The following RGMB variants were observed in gnomAD, a reference collection of about 807,000 sequenced individuals.
RGMB encodes repulsive guidance molecule BMP co-receptor b.
In RGMB, 16 loss-of-function variants were observed where a neutral mutation model predicts 26.9. That is an observed-to-expected ratio of 0.60 (90% CI 0.40 to 0.90). The LOEUF (loss-of-function observed/expected upper bound fraction) is 0.90, where lower values mean the gene tolerates loss of function less well. Ranked by LOEUF, RGMB falls within the 40% of genes least tolerant of loss-of-function variation. The pLI, the probability that RGMB is intolerant of heterozygous loss-of-function variation, is 0.00. For synonymous variants in RGMB, 225 were observed against 229.3 expected, an observed-to-expected ratio of 0.98 and a Z score of 0.17; for missense variants, 512 against 573.3, an observed-to-expected ratio of 0.89 and a Z score of 1.09.
chr5:98,791,844 A>G (rs1746940231), intron 2 of RGMB, among the ~76,000 whole-genome samples: 1 of 152,172 alleles, frequency 6.6e-6, no homozygotes, highest in South Asian at 2.1e-4. Flanking sequence ...AAGGTGTGCA[A>G]GGTTTTTAAC....
chr5:98,770,758 C>A, upstream of RGMB: 1 of 801,366 alleles, frequency 1.2e-6, no homozygotes, highest in South Asian at 3.3e-5. Context: ...CTTTCCTTTC[C>A]TTACTGTTCT....
chr5:98,770,476 C>T (rs1427359302), upstream of RGMB: 2 of 442,462 alleles, frequency 4.5e-6, no homozygotes, highest in Non-Finnish European at 7.9e-6. Flanking sequence ...CGGCGGAGCC[C>T]GCAGGGATTG....
rs766231808 is a variant in RGMB, at chr5:98,779,767, C to T, written c.324C>T (p.Ala108=). 5.5e-5 allele frequency: 88 copies of T among 1,613,908 alleles called. 1 individual carries two copies. Among genetic ancestry groups the T allele is most frequent in the South Asian group, 7.7e-5 (7 of 91,082 alleles). ...GTGGCAACCTGGTATACCATTCTGCCGTGTTGGGTATCAGTGACCTCATGA... is the reference window on the plus strand; with the variant it reads ...GTGGCAACCTGGTATACCATTCTGCTGTGTTGGGTATCAGTGACCTCATGA... ...ACRGNLVYHS[A]VLGISDLMSQ... is the part of the protein sequence containing the mutation. The change falls in exon 2 of 3, where the codon GCC becomes GCT. Residue 108 remains alanine, a synonymous_variant. Coordinates refer to ENST00000513185, the MANE Select transcript of RGMB (RefSeq NM_001366508.1).
intron 2 of RGMB, 27 bp downstream of exon 2, chr5:98,780,115 C>G: frequency 1.3e-6 from 2 of 1,577,344 alleles, no homozygotes; most frequent in Non-Finnish European, 1.7e-6. Flanking sequence ...TTTTCCCTCT[C>G]CCTACTCAAC....
upstream of RGMB, chr5:98,771,284 A>T (rs2052072893): frequency 6.6e-6 from 1 of 152,158 alleles, no homozygotes; most frequent in Non-Finnish European, 1.5e-5. Flanking sequence ...TTTTTTTCTG[A>T]TTAAAACATA....
rs960999489 is a variant in RGMB at position 98,796,343 on chromosome 5, C to CCA, written c.*2591_*2592insAC. ...TTTGTTATGCTTGGAAGCTCCCCCC[C>CCA]CCCCAACAGTGTGTCGAGTCTTTGC... On this transcript the variant is annotated 3_prime_UTR_variant, in exon 3 of 3. Coordinates refer to ENST00000513185, the MANE Select transcript of RGMB (RefSeq NM_001366508.1). 2.1e-5 allele frequency: 3 copies of CCA among 141,626 alleles called. 1 individual carries two copies. 8.8% of individuals were successfully genotyped at this position (141,626 alleles called of 1,614,324 possible). A position where few individuals can be genotyped will look rare whatever the true frequency, so the allele number is the denominator to read the frequency against.
At chr5:98,780,312 A>G (rs1431779785) in intron 2 of RGMB, 7 of 485,698 alleles carry the variant, frequency 1.4e-5, no homozygotes, top group African/African-American at 7.9e-5. Context: ...TATAAAGAAT[A>G]AAAAGTAAAC....
upstream of RGMB, among the ~76,000 whole-genome samples, chr5:98,771,490 G>T (rs1388236540): frequency 2.0e-5 from 3 of 152,206 alleles, no homozygotes; most frequent in Non-Finnish European, 4.4e-5. Context: ...ACCCGCGAGT[G>T]TGTCAACTGA....
intron 2 of RGMB, among the ~76,000 whole-genome samples, chr5:98,790,932 T>C (rs1157976466): frequency 6.6e-6 from 1 of 152,230 alleles, no homozygotes; most frequent in Non-Finnish European, 1.5e-5. Context: ...TTTCAACTTT[T>C]TCAGGTGCAA....
chr5:98,793,076 T>A lies in RGMB; in HGVS notation c.646-9T>A, dbSNP rs1157295652. 1.3e-6 allele frequency: 2 copies of A among 1,585,910 alleles called. No individual in the cohort carries two copies. ...TTCTGTTAAACCTTGTACATGCTCC[T>A]TCCCACAGATCACTATTATCTTCAA... On this transcript the variant is annotated splice_polypyrimidine_tract_variant and intron_variant, in intron 2 of 2. Transcript: ENST00000513185.
At position 98,795,275 on chromosome 5, in the gene RGMB, T is replaced by C. The variant is rs894672242; in HGVS notation, c.*1522T>C. 1 of 152,232 alleles carries C rather than the reference T, an allele frequency of 6.6e-6. No homozygotes were observed. The highest frequency in any genetic ancestry group is 1.5e-5 in the Non-Finnish European group (1 of 68,048). The allele number at this position is 152,232 out of a possible 1,614,324, so 9.4% of individuals were successfully genotyped here. ...TGCTTTAATAATTTGTTGATAAGTT[T>C]ACATAAACAGAAATAAAAGATACTA... is the stretch of plus-strand genomic sequence containing the variant. On this transcript the variant is annotated 3_prime_UTR_variant, in exon 3 of 3. Coordinates refer to ENST00000513185, the MANE Select transcript of RGMB (RefSeq NM_001366508.1).
chr5:98,792,432 A>G (rs965578954), intron 2 of RGMB, among the ~76,000 whole-genome samples: 1 of 152,192 alleles, frequency 6.6e-6, no homozygotes, highest in Non-Finnish European at 1.5e-5. Flanking sequence ...TAAATTATCA[A>G]TAAAAATTGC....
chr5:98,794,023 T>A lies in RGMB; in HGVS notation c.*270T>A. On this transcript the variant is annotated 3_prime_UTR_variant, in exon 3 of 3. Transcript: ENST00000513185. ...GCCCAGGGACCTGTTAGAAAGCACTTTATTTTTTATATATTAAATATTTAT... is the reference window on the plus strand; with the variant it reads ...GCCCAGGGACCTGTTAGAAAGCACTATATTTTTTATATATTAAATATTTAT... The A allele has an allele frequency of 3.3e-6, 1 of 299,734 alleles. No homozygotes were observed. Among genetic ancestry groups the A allele is most frequent in the Non-Finnish European group, 6.1e-6 (1 of 163,704 alleles). The allele number at this position is 299,734 out of a possible 1,614,324, so 18.6% of individuals were successfully genotyped here.
chr5:98,768,764 G>A (rs1746056470), upstream of RGMB: 1 of 152,230 alleles, frequency 6.6e-6, no homozygotes, highest in Admixed American at 6.5e-5. Flanking sequence ...AAGATCGCTG[G>A]ATTCCTTATT....
At chr5:98,783,845 G>A (rs926578191) in intron 2 of RGMB, among the ~76,000 whole-genome samples, 9 of 152,156 alleles carry the variant, frequency 5.9e-5, no homozygotes, top group African/African-American at 2.2e-4. Context: ...AACAAACAAT[G>A]GAAATGTTTT....
At chr5:98,784,330 G>A (rs1446542420) in intron 2 of RGMB, among the ~76,000 whole-genome samples, 1 of 152,190 alleles carries the variant, frequency 6.6e-6, no homozygotes, top group South Asian at 2.1e-4. Flanking sequence ...AAATTCTGTA[G>A]CTACTTTCTT....
rs141126942 is a variant in RGMB, at chr5:98,793,232, A to G, written c.793A>G (p.Ser265Gly). The change falls in exon 3 of 3, where the codon AGT becomes GGT. Residue 265 changes from serine (S) to glycine (G), a missense_variant. Coordinates refer to ENST00000513185, the MANE Select transcript of RGMB (RefSeq NM_001366508.1). ...GAGCCTGCGTATCGTGGAAAGGGAGAGTGGCCACTATGTGGAGATGCACGC... is the reference window on the plus strand; with the variant it reads ...GAGCCTGCGTATCGTGGAAAGGGAGGGTGGCCACTATGTGGAGATGCACGC... ...AKSLRIVERE[S>G]GHYVEMHARY... The G allele has an allele frequency of 1.1e-3, 1,849 of 1,613,982 alleles. 18 individuals are homozygous for G. The African/African-American group carries it at 0.022, about 19-fold the overall frequency.
At chr5:98,787,094 C>T (rs1004242433) in intron 2 of RGMB, among the ~76,000 whole-genome samples, 1 of 152,162 alleles carries the variant, frequency 6.6e-6, no homozygotes, top group Admixed American at 6.5e-5. Context: ...TACATGGTAT[C>T]GAGGTCTTCC....
intron 2 of RGMB, among the ~76,000 whole-genome samples, chr5:98,790,480 A>G (rs973630317): frequency 6.6e-6 from 1 of 152,214 alleles, no homozygotes; most frequent in Non-Finnish European, 1.5e-5. Context: ...GAGCTTCTAG[A>G]TAGGTAGGAG....
Sources: gnomAD v4.1 joint callset for allele counts (sites outside exome capture counted in the v4.1 genomes callset) on GRCh38, gnomAD v4.1.1 for gene constraint, MANE v1.5 for transcripts, NCBI Gene and HGNC (gene_info 2026-07-23, HGNC 2026-07-21) for gene names.